The following MIR2052HG variants were observed in gnomAD, a reference collection of about 807,000 sequenced individuals.
The protein encoded by MIR2052HG is MIR2052 host gene.
intron 2 of MIR2052HG, among the ~76,000 whole-genome samples, chr8:74,644,840 A>G (rs145932067): frequency 2.9e-3 from 446 of 152,226 alleles, no homozygotes; most frequent in Non-Finnish European, 5.3e-3. Context: ...GCAGTGAGCT[A>G]TAATCATGCC....
intron 2 of MIR2052HG, among the ~76,000 whole-genome samples, chr8:74,645,137 G>A (rs1808678293): frequency 6.6e-6 from 1 of 151,866 alleles, no homozygotes; most frequent in African/African-American, 2.4e-5. Context: ...ACTATGGGGT[G>A]GAAAATTTAG....
intron 4 of MIR2052HG, among the ~76,000 whole-genome samples, chr8:74,727,414 A>G (rs1205133762): frequency 6.6e-6 from 1 of 152,186 alleles, no homozygotes; most frequent in Non-Finnish European, 1.5e-5. Context: ...TGTTTCAGTA[A>G]AATATAAAGA....
intron 4 of MIR2052HG, among the ~76,000 whole-genome samples, chr8:74,729,042 A>G (rs1412573432): frequency 6.6e-6 from 1 of 152,210 alleles, no homozygotes; most frequent in African/African-American, 2.4e-5. Context: ...ATTTGGATTA[A>G]AGAACTCTAA....
At chr8:74,628,400 A>G (rs184622446) in intron 2 of MIR2052HG, among the ~76,000 whole-genome samples, 1 of 152,310 alleles carries the variant, frequency 6.6e-6, no homozygotes, top group East Asian at 1.9e-4. Context: ...ATATCAAACT[A>G]TGTTCGTGTG....
At chr8:74,739,393 T>C (rs941076249) in intron 4 of MIR2052HG, among the ~76,000 whole-genome samples, 1 of 152,216 alleles carries the variant, frequency 6.6e-6, no homozygotes, top group Non-Finnish European at 1.5e-5. Context: ...TAAGCCTCTT[T>C]AACCTCTGGA....
chr8:74,742,481 T>C lies in MIR2052HG; in HGVS notation n.372-9960T>C, dbSNP rs76720045. ...ATGAAGAATTATATCTGGTTAGTTG[T>C]TGCTTCATCTTTGTTGATCTTTGGA... On this transcript the variant is annotated intron_variant and non_coding_transcript_variant, in intron 4 of 6. Coordinates refer to ENST00000523442, the Ensembl canonical transcript of MIR2052HG. 8.8e-3 allele frequency among the ~76,000 whole-genome samples: 1,346 copies of C among 152,310 alleles called. 48 individuals are homozygous for C. The highest frequency in any genetic ancestry group is 0.066 in the East Asian group (345 of 5,188).
intron 4 of MIR2052HG, among the ~76,000 whole-genome samples, chr8:74,739,126 C>A (rs1468535127): frequency 6.6e-6 from 1 of 152,144 alleles, no homozygotes; most frequent in East Asian, 1.9e-4. Context: ...ATTTATTTTG[C>A]TGTTACTAAT....
chr8:74,728,658 G>A (rs1320012553), intron 4 of MIR2052HG, among the ~76,000 whole-genome samples: 1 of 152,024 alleles, frequency 6.6e-6, no homozygotes, highest in East Asian at 1.9e-4. Flanking sequence ...TATTGAGAGA[G>A]GTTGCCCAGA....
chr8:74,731,490 C>T (rs1263195791), intron 4 of MIR2052HG, among the ~76,000 whole-genome samples: 7 of 152,108 alleles, frequency 4.6e-5, no homozygotes, highest in African/African-American at 7.2e-5. Context: ...TAGCATTCAA[C>T]AAGAAGCCCT....
intron 2 of MIR2052HG, among the ~76,000 whole-genome samples, chr8:74,692,674 C>G (rs1809251310): frequency 6.6e-6 from 1 of 152,168 alleles, no homozygotes; most frequent in South Asian, 2.1e-4. Context: ...ATTTATACTT[C>G]AAAGAGAAAA....
chr8:74,729,257 G>A (rs1241556304), intron 4 of MIR2052HG, among the ~76,000 whole-genome samples: 1 of 152,012 alleles, frequency 6.6e-6, no homozygotes, highest in Non-Finnish European at 1.5e-5. Context: ...GCCAAAAATC[G>A]AATCACTAGA....
intron 4 of MIR2052HG, among the ~76,000 whole-genome samples, chr8:74,743,095 A>G (rs1448572299): frequency 6.6e-6 from 1 of 152,052 alleles, no homozygotes; most frequent in African/African-American, 2.4e-5. Context: ...ACAAAAAAAC[A>G]CCAAAAAACA....
chr8:74,694,828 A>G (rs1417336261), intron 2 of MIR2052HG, among the ~76,000 whole-genome samples: 1 of 152,092 alleles, frequency 6.6e-6, no homozygotes, highest in African/African-American at 2.4e-5. Context: ...GAAGTTTGGG[A>G]TTATGTTAAA....
intron 1 of MIR2052HG, chr8:74,603,619 G>A (rs1808058307): frequency 2.7e-6 from 4 of 1,482,798 alleles, no homozygotes; most frequent in Admixed American, 1.7e-5. Flanking sequence ...GTGCAGCATG[G>A]TCAAATCTGG....
intron 1 of MIR2052HG, among the ~76,000 whole-genome samples, chr8:74,605,014 A>G (rs1336696176): frequency 6.6e-6 from 1 of 152,206 alleles, no homozygotes; most frequent in East Asian, 1.9e-4. Context: ...TCTGGTAACA[A>G]AATGACTGAT....
rs114362930 is a variant in MIR2052HG, at chr8:74,724,201, T to G, written n.371+20519T>G. Reference sequence around the variant, plus strand: ...AAAACAAATTTGTCATTTTTCATATTTATGGAAAAGACATGATTTAGCAAT... The same window carrying G: ...AAAACAAATTTGTCATTTTTCATATGTATGGAAAAGACATGATTTAGCAAT... On this transcript the variant is annotated intron_variant and non_coding_transcript_variant, in intron 4 of 6. Coordinates refer to ENST00000523442, the Ensembl canonical transcript of MIR2052HG. Among the ~76,000 whole-genome samples the G allele has an allele frequency of 7.4e-3, 1,133 of 152,264 alleles. 11 individuals are homozygous for G. The highest frequency in any genetic ancestry group is 0.026 in the African/African-American group (1,088 of 41,546).
At chr8:74,607,524 A>T (rs1808129424) in intron 1 of MIR2052HG, among the ~76,000 whole-genome samples, 1 of 152,138 alleles carries the variant, frequency 6.6e-6, no homozygotes, top group African/African-American at 2.4e-5. Flanking sequence ...AGGCAGGAGA[A>T]TCACTTGAAC....
At chr8:74,673,887 G>GTATATATATATATATA (rs61228134) in intron 2 of MIR2052HG, among the ~76,000 whole-genome samples, 40 of 121,658 alleles carry the variant, frequency 3.3e-4, no homozygotes, top group African/African-American at 1.0e-3. Context: ...GTATTTTTTT[G>GTATATATATATATATA]TATATATATA....
intron 2 of MIR2052HG, chr8:74,625,336 T>G (rs1033410887): frequency 6.6e-6 from 1 of 152,266 alleles, no homozygotes; most frequent in South Asian, 2.1e-4. Flanking sequence ...AGTGCTGGCA[T>G]TACAGGTATG....
Sources: allele counts gnomAD v4.1 joint callset (sites outside exome capture counted in the v4.1 genomes callset), GRCh38; gene constraint gnomAD v4.1.1; transcripts MANE v1.5; gene names NCBI Gene and HGNC (gene_info 2026-07-23, HGNC 2026-07-21).